Variants in SETX observed in about 807,000 individuals in gnomAD.
The protein encoded by SETX is helicase senataxin.
A neutral mutation model predicts 227.2 loss-of-function variants in SETX; 90 were observed. That is an observed-to-expected ratio of 0.40 (90% CI 0.33 to 0.47). The LOEUF (loss-of-function observed/expected upper bound fraction) is 0.47, where lower values mean the gene tolerates loss of function less well. SETX is among the 20% of genes least tolerant of loss of function. The probability of loss-of-function intolerance (pLI) is 0.91; values close to 1 mark genes in which losing one functional copy is unlikely to be tolerated. For missense variants in SETX, 3,052 were observed against 3,181.5 expected, an observed-to-expected ratio of 0.96 and a Z score of 0.98; for synonymous variants, 1,210 against 1,113.2, an observed-to-expected ratio of 1.09 and a Z score of -1.73.
chr9:132,262,331 C>T lies in SETX; in HGVS notation c.*1908G>A, dbSNP rs1381314232. The T allele has an allele frequency of 6.6e-6, 1 of 152,148 alleles. No homozygotes were observed. 9.4% of individuals were successfully genotyped at this position (152,148 alleles called of 1,614,324 possible). ...GACCCCAACGTTTTTGCCATGCCTC[C>T]CTTTAGAAGCTTAGGAGTTTGTACA... On this transcript the variant is annotated 3_prime_UTR_variant, in exon 26 of 26. Coordinates refer to ENST00000224140, the MANE Select transcript of SETX (RefSeq NM_015046.7).
At chr9:132,355,135 G>A (rs991376195), upstream of SETX, 1 of 152,328 alleles carries the variant, frequency 6.6e-6, no homozygotes, top group Middle Eastern at 3.4e-3. Flanking sequence ...GAGCGGCCGC[G>A]GTGCACCGCC....
intron 15 of SETX, among the ~76,000 whole-genome samples, chr9:132,292,625 A>AT (rs529367112): frequency 0.14 from 17,114 of 125,208 alleles, 1,535 homozygotes; most frequent in East Asian, 0.24. Flanking sequence ...TTCCCAACTC[A>AT]TTTTTTTTTT....
chr9:132,276,955 C>A (rs1843196277), intron 22 of SETX, 105 bp downstream of exon 22: 5 of 973,200 alleles, frequency 5.1e-6, no homozygotes, highest in Non-Finnish European at 8.1e-6. Context: ...TGCCCTGACA[C>A]TAGGCAGAGA....
chr9:132,288,394 C>T (rs768249495), intron 16 of SETX, 43 bp from the exon 17 acceptor site: 1 of 1,500,340 alleles, frequency 6.7e-7, no homozygotes, highest in Non-Finnish European at 9.2e-7. Flanking sequence ...TATTCTAATT[C>T]TAACAAACTC....
intron 11 of SETX, among the ~76,000 whole-genome samples, chr9:132,302,285 A>C (rs908176089): frequency 2.2e-5 from 3 of 133,990 alleles, no homozygotes; most frequent in African/African-American, 8.6e-5. Context: ...TGAACCCAGG[A>C]GGCGGAGCTT....
At chr9:132,306,777 T>G (rs1381887351) in intron 11 of SETX, among the ~76,000 whole-genome samples, 2 of 152,184 alleles carry the variant, frequency 1.3e-5, no homozygotes, top group East Asian at 3.9e-4. Context: ...CATTCACATA[T>G]GTGATCATAA....
rs752695090 is a variant in SETX, at chr9:132,327,448, A to T, written c.4150T>A (p.Ser1384Thr). 9.0e-5 allele frequency: 146 copies of T among 1,614,068 alleles called. 2 individuals carry two copies. The South Asian group carries it at 1.5e-3, about 17-fold the overall frequency. ...TCAGATTCTGGTACAAATATGTCAG[A>T]ATTCTGTGCTGTATGTGACCCTGCT... ...KRAGSHTAQNSDIFVPESDRS... is the reference protein window; with the variant it reads ...KRAGSHTAQNTDIFVPESDRS... The change falls in exon 10 of 26, where the codon TCT becomes ACT. Residue 1384 changes from serine to threonine, a missense_variant. This residue lies in a region of SETX where 1,483 missense variants were observed against 1,312.0 expected (regional missense o/e 1.13). Transcript: ENST00000224140.
At chr9:132,340,792 T>C (rs1190875743) in intron 5 of SETX, among the ~76,000 whole-genome samples, 1 of 152,236 alleles carries the variant, frequency 6.6e-6, no homozygotes, top group Admixed American at 6.5e-5. Flanking sequence ...TCAGATCTTT[T>C]AGTTGAGAAC....
intron 6 of SETX, 88 bp from the exon 7 acceptor site, chr9:132,334,815 AAG>A: frequency 1.5e-6 from 2 of 1,353,106 alleles, no homozygotes; most frequent in Non-Finnish European, 2.1e-6. Context: ...ACAAGGCAGG[AAG>A]ATGAAGCAAG....
rs200499115 is a variant in SETX at position 132,326,327 on chromosome 9, T to C, written c.5271A>G (p.Glu1757=). ...FFPLMVLNTF[E]TVAQEWLNSP... ...TACAAATGAAACACATACTTACTGT[T>C]TCAAAAGTATTCAATACCATCAAAG... The change falls in exon 10 of 26, where the codon GAA becomes GAG. Residue 1757 remains glutamate, a synonymous_variant. Coordinates refer to ENST00000224140, the MANE Select transcript of SETX (RefSeq NM_015046.7). 398 of 1,596,712 alleles carry C rather than the reference T, an allele frequency of 2.5e-4. 1 individual carries two copies. The highest frequency in any genetic ancestry group is 1.4e-3 in the South Asian group (131 of 90,634).
intron 4 of SETX, among the ~76,000 whole-genome samples, chr9:132,343,136 G>A (rs1299089854): frequency 1.3e-5 from 2 of 152,040 alleles, no homozygotes; most frequent in African/African-American, 2.4e-5. Context: ...TGGCTAACAC[G>A]GTGAAACCCC....
At chr9:132,269,409 A>G in intron 25 of SETX, 1 of 1,561,542 alleles carries the variant, frequency 6.4e-7, no homozygotes, top group Non-Finnish European at 8.7e-7. Context: ...TCACCTTGAG[A>G]GCCCAGTGTA....
In SETX at chr9:132,346,515, C is replaced by T. The variant is rs192438223; in HGVS notation, c.178-44G>A. ...GGCAGTGTGCGTTATGTCTTATCAT[C>T]AACAAAATACACTGAATGTGACGAC... On this transcript the variant is annotated intron_variant, in intron 3 of 25. Transcript: ENST00000224140. 165 of 1,334,816 alleles carry T rather than the reference C, an allele frequency of 1.2e-4. No homozygotes were observed. The Admixed American group carries it at 3.1e-3, about 25-fold the overall frequency. The allele number at this position is 1,334,816 out of a possible 1,614,324, so 82.7% of individuals were successfully genotyped here. A position where few individuals can be genotyped will look rare whatever the true frequency, so the allele number is the denominator to read the frequency against.
At chr9:132,283,880 C>T (rs527875465) in intron 18 of SETX, among the ~76,000 whole-genome samples, 1 of 152,134 alleles carries the variant, frequency 6.6e-6, no homozygotes, top group Non-Finnish European at 1.5e-5. Flanking sequence ...AACAAAAATG[C>T]CTGTGAACCT....
At chr9:132,354,364 C>A (rs994122411) in intron 1 of SETX, among the ~76,000 whole-genome samples, 1 of 151,760 alleles carries the variant, frequency 6.6e-6, no homozygotes, top group African/African-American at 2.4e-5. Context: ...GGCGTGGTGA[C>A]GCGCGCCTAT....
chr9:132,311,687 C>T (rs903190193), intron 11 of SETX, 70 bp downstream of exon 11: 45 of 1,117,874 alleles, frequency 4.0e-5, no homozygotes, highest in Non-Finnish European at 5.1e-5. Context: ...TCAAATAATG[C>T]TATCTCCTCT....
chr9:132,346,966 G>T (rs934634756), intron 3 of SETX, among the ~76,000 whole-genome samples: 2 of 151,784 alleles, frequency 1.3e-5, no homozygotes, highest in Admixed American at 6.6e-5. Flanking sequence ...AAGAGAAAAA[G>T]AAAACAGGCC....
At position 132,286,491 on chromosome 9, in the gene SETX, G is replaced by T. The variant is rs760404400; in HGVS notation, c.6328C>A (p.Gln2110Lys). 6.2e-7 allele frequency: 1 copy of T among 1,612,334 alleles called. No homozygotes were observed. The highest frequency in any genetic ancestry group is 1.7e-5 in the Admixed American group (1 of 59,940). The change falls in exon 18 of 26, where the codon CAA becomes AAA. Residue 2110 changes from glutamine (Q) to lysine (K), a missense_variant. Physicochemically the swap from Gln to Lys is moderately conservative, Grantham distance 53 (BLOSUM62 1). Coordinates refer to ENST00000224140, the MANE Select transcript of SETX (RefSeq NM_015046.7). ...LCRGGREIQR[Q>K]ELDENISKVS... ...TTGGAAATGTTTTCATCTAATTCTT[G>T]CCTCTGGAAAAAAATTCAAATGTCA...
rs1330941612 is a variant in SETX, at chr9:132,331,068, G to A, written c.1082C>T (p.Pro361Leu). The change falls in exon 9 of 26, where the codon CCT (proline) becomes CTT (leucine). Residue 361 changes from proline to leucine, a missense_variant. Transcript: ENST00000224140. ...GTTTTATACCTTTTTGGTCTTTTCA[G>A]GATTATAATTGTATACGATCTGGCT... ...TCSQIVYNYN[P>L]EKTKKDSGWR... 3.7e-6 allele frequency: 6 copies of A among 1,611,830 alleles called. No homozygotes were observed. Among genetic ancestry groups the A allele is most frequent in the Non-Finnish European group, 5.1e-6 (6 of 1,178,006 alleles).
Sources: gnomAD v4.1 joint callset for allele counts (sites outside exome capture counted in the v4.1 genomes callset) on GRCh38, gnomAD v4.1.1 for gene constraint, gnomAD v4.1.1 regional missense constraint, MANE v1.5 for transcripts, NCBI Gene and HGNC (gene_info 2026-07-23, HGNC 2026-07-21) for gene names.